The following SENP2 variants were observed in gnomAD, a reference collection of about 807,000 sequenced individuals.
The protein encoded by SENP2 is sentrin-specific protease 2.
A neutral mutation model predicts 86.3 loss-of-function variants in SENP2; 16 were observed. The observed-to-expected ratio is 0.19, with a 90% CI of 0.13 to 0.28. SENP2 has a LOEUF of 0.28. Ranked by LOEUF, SENP2 falls within the 10% of genes least tolerant of loss-of-function variation. The pLI is 1.00. For missense variants in SENP2, 552 were observed against 703.0 expected (o/e 0.79, Z 2.43); for synonymous variants, 222 against 238.7 (o/e 0.93, Z 0.64).
chr3:185,586,741 A>T lies in SENP2; in HGVS notation c.101+227A>T, dbSNP rs1721796908. On this transcript the variant is annotated intron_variant, in intron 1 of 16. Coordinates refer to ENST00000296257, the MANE Select transcript of SENP2 (RefSeq NM_021627.3). The surrounding 1 kb of genome is among the most constrained non-coding windows in gnomAD (Gnocchi z 4.3). Reference sequence around the variant, plus strand: ...GCAGGGTCTTTGACATTCTTGTCAGAGGCCAAGCTGGTTGCTGATAACAAA... The same window carrying T: ...GCAGGGTCTTTGACATTCTTGTCAGTGGCCAAGCTGGTTGCTGATAACAAA... Among the ~76,000 whole-genome samples, 1 of 152,220 alleles carries T rather than the reference A, an allele frequency of 6.6e-6. No homozygotes were observed. Among genetic ancestry groups the T allele is most frequent in the Non-Finnish European group, 1.5e-5 (1 of 68,032 alleles).
chr3:185,624,179 C>A, intron 15 of SENP2, 97 bp downstream of exon 15: 1 of 741,280 alleles, frequency 1.3e-6, no homozygotes. Flanking sequence ...TCCCTCCCTG[C>A]ATGCTTTTAA....
At position 185,632,231 on chromosome 3, in the gene SENP2, T is replaced by A. The variant is rs542316864; in HGVS notation, c.*2387T>A. Reference sequence around the variant, plus strand: ...GCCAGTGGTTTTTTTTTTGTTTTTTTTTTTTGTTTTTTTTTTTTTTTTTTG... The same window carrying A: ...GCCAGTGGTTTTTTTTTTGTTTTTTATTTTTGTTTTTTTTTTTTTTTTTTG... On this transcript the variant is annotated 3_prime_UTR_variant, in exon 17 of 17. Coordinates refer to ENST00000296257, the MANE Select transcript of SENP2 (RefSeq NM_021627.3). 1.8e-5 allele frequency: 2 copies of A among 110,598 alleles called. No individual in the cohort carries two copies. The highest frequency in any genetic ancestry group is 3.8e-5 in the Non-Finnish European group (2 of 53,046). 6.9% of individuals were successfully genotyped at this position (110,598 alleles called of 1,614,324 possible). A position where few individuals can be genotyped will look rare whatever the true frequency, so the allele number is the denominator to read the frequency against.
In SENP2 at chr3:185,629,949, A is replaced by G; in HGVS notation, c.*105A>G. The G allele has an allele frequency of 8.8e-7, 1 of 1,142,742 alleles. No individual in the cohort carries two copies. Among genetic ancestry groups the G allele is most frequent in the African/African-American group, 1.5e-5 (1 of 66,116 alleles). The allele number at this position is 1,142,742 out of a possible 1,614,324, so 70.8% of individuals were successfully genotyped here. On this transcript the variant is annotated 3_prime_UTR_variant, in exon 17 of 17. Transcript: ENST00000296257. Reference sequence around the variant, plus strand: ...AAGTCCCTGCATCACTTCTGTTCTCACAGGTACTGAGCTGTCAAAAGTGCA... The same window carrying G: ...AAGTCCCTGCATCACTTCTGTTCTCGCAGGTACTGAGCTGTCAAAAGTGCA...
intron 2 of SENP2, among the ~76,000 whole-genome samples, chr3:185,593,504 T>C (rs1056670958): frequency 6.6e-6 from 1 of 152,176 alleles, no homozygotes; most frequent in Non-Finnish European, 1.5e-5. Context: ...GAAATGATTT[T>C]AGGGGATTCA....
Position 185,630,623 on chromosome 3 carries a change from A to G in SENP2, c.*779A>G, listed in dbSNP as rs1462491970. 1 of 152,632 alleles carries G rather than the reference A, an allele frequency of 6.6e-6. No homozygotes were observed. The highest frequency in any genetic ancestry group is 1.5e-5 in the Non-Finnish European group (1 of 68,042). 9.5% of individuals were successfully genotyped at this position (152,632 alleles called of 1,614,324 possible). A position where few individuals can be genotyped will look rare whatever the true frequency, so the allele number is the denominator to read the frequency against. On this transcript the variant is annotated 3_prime_UTR_variant, in exon 17 of 17. Transcript: ENST00000296257. ...CTTAAAGAGACTTCCCCTTCTGGAA[A>G]TGTGGTGACTTGGCTTAGTCTTCAA...
chr3:185,608,163 CT>C (rs1052954722), intron 6 of SENP2, among the ~76,000 whole-genome samples: 12 of 152,214 alleles, frequency 7.9e-5, no homozygotes, highest in African/African-American at 2.9e-4. Context: ...TTTCTGCCCT[CT>C]ACGAGCTTAT....
At chr3:185,616,599 C>G (rs986853437) in intron 11 of SENP2, among the ~76,000 whole-genome samples, 45 of 151,798 alleles carry the variant, frequency 3.0e-4, no homozygotes, top group Admixed American at 5.9e-4. Flanking sequence ...CACAGTGAAA[C>G]CCCGTCTCTA....
chr3:185,593,970 C>T (rs1319000469), intron 2 of SENP2, among the ~76,000 whole-genome samples: 6 of 152,008 alleles, frequency 3.9e-5, no homozygotes, highest in Non-Finnish European at 8.8e-5. Context: ...CTCAAGTGAT[C>T]GCCCGCCTCG....
intron 6 of SENP2, among the ~76,000 whole-genome samples, chr3:185,607,953 C>A (rs1280711848): frequency 6.6e-6 from 1 of 152,192 alleles, no homozygotes; most frequent in African/African-American, 2.4e-5. Context: ...TTTTTACTTT[C>A]CTTTTGAGGT....
chr3:185,599,891 T>C (rs911148025), intron 4 of SENP2, among the ~76,000 whole-genome samples: 10 of 151,166 alleles, frequency 6.6e-5, no homozygotes, highest in Admixed American at 2.0e-4. Flanking sequence ...CTCCAGCTCC[T>C]GGGTTCAAGT....
At chr3:185,617,997 T>C (rs571266586) in intron 12 of SENP2, among the ~76,000 whole-genome samples, 14 of 152,296 alleles carry the variant, frequency 9.2e-5, no homozygotes, top group African/African-American at 3.1e-4. Flanking sequence ...CAGGCTGGAG[T>C]GCAATGGCGC....
intron 10 of SENP2, 156 bp from the exon 11 acceptor site, chr3:185,614,408 G>A: frequency 1.4e-6 from 1 of 728,696 alleles, no homozygotes; most frequent in African/African-American, 1.8e-5. Flanking sequence ...GCTCCCCCTT[G>A]CAGGGACAGA....
chr3:185,604,768 T>C (rs796729629), intron 5 of SENP2, among the ~76,000 whole-genome samples: 8 of 152,098 alleles, frequency 5.3e-5, no homozygotes, highest in East Asian at 1.9e-4. Context: ...CTTTTCTTTT[T>C]TTTTTGAGAT....
rs398052522 is a variant in SENP2 at position 185,587,570 on chromosome 3, A to ATTTTTTTTTTTTTTTTTTTTTTT, written c.101+1070_101+1071insTTTTTTTTTTTTTTTTTTTTTTT. Among the ~76,000 whole-genome samples the ATTTTTTTTTTTTTTTTTTTTTTT allele has an allele frequency of 2.7e-3, 319 of 118,704 alleles. 41 individuals carry two copies. The highest frequency in any genetic ancestry group is 0.015 in the East Asian group (58 of 3,886). 77.9% of individuals were successfully genotyped at this position (118,704 alleles called of 152,430 possible). A position where few individuals can be genotyped will look rare whatever the true frequency, so the allele number is the denominator to read the frequency against. ...CTTCAACTTTAGTGATCAAGTGTTAATTTTTTTTTTTTTTGAGAAGGAGTC... is the reference window on the plus strand; with the variant it reads ...CTTCAACTTTAGTGATCAAGTGTTAATTTTTTTTTTTTTTTTTTTTTTTTTTTTTTTTTTTTTGAGAAGGAGTC... On this transcript the variant is annotated intron_variant, in intron 1 of 16. Coordinates refer to ENST00000296257, the MANE Select transcript of SENP2 (RefSeq NM_021627.3).
At chr3:185,622,214 A>T (rs767899056) in intron 14 of SENP2, among the ~76,000 whole-genome samples, 1 of 152,190 alleles carries the variant, frequency 6.6e-6, no homozygotes. Context: ...GGGGAGTGCT[A>T]GTCCTCTCAA....
chr3:185,606,884 G>T, intron 6 of SENP2: 1 of 385,834 alleles, frequency 2.6e-6, no homozygotes, highest in South Asian at 2.1e-5. Flanking sequence ...ATTTAAAAAT[G>T]AAACTTTTTT....
chr3:185,596,620 CA>C (rs62894960), intron 2 of SENP2, among the ~76,000 whole-genome samples: 41,303 of 119,562 alleles, frequency 0.35, 5,955 homozygotes, highest in African/African-American at 0.45. Context: ...GACCCTGTCT[CA>C]AAAAAAAAAA....
In SENP2 at chr3:185,621,156, C is replaced by CAAAAA. The variant is rs1206042436; in HGVS notation, c.1447-653_1447-649dup. Among the ~76,000 whole-genome samples, 106 of 39,030 alleles carry CAAAAA rather than the reference C, an allele frequency of 2.7e-3. 3 individuals carry two copies. Among genetic ancestry groups the CAAAAA allele is most frequent in the East Asian group, 0.014 (12 of 854 alleles). 25.6% of individuals were successfully genotyped at this position (39,030 alleles called of 152,430 possible). A position where few individuals can be genotyped will look rare whatever the true frequency, so the allele number is the denominator to read the frequency against. On this transcript the variant is annotated intron_variant, in intron 13 of 16. Transcript: ENST00000296257. The stretch of plus-strand genomic sequence containing the variant: ...TGGGTCACAGAGTGAGATCTTGTCT[C>CAAAAA]AAAAAAAAAAAAAAAAAAAAAGAGA...
At chr3:185,597,314 AT>A (rs1014389846) in intron 2 of SENP2, among the ~76,000 whole-genome samples, 64 of 152,236 alleles carry the variant, frequency 4.2e-4, no homozygotes, top group African/African-American at 1.5e-3. Flanking sequence ...CAATACTGGT[AT>A]TCCAGTTATT....
Sources: gnomAD v4.1 joint callset for allele counts (sites outside exome capture counted in the v4.1 genomes callset) on GRCh38, gnomAD v4.1.1 for gene constraint, Gnocchi (gnomAD v3.1) non-coding constraint, MANE v1.5 for transcripts, NCBI Gene and HGNC (gene_info 2026-07-23, HGNC 2026-07-21) for gene names.